The following BMPR1A variants were observed in gnomAD, a reference collection of about 807,000 sequenced individuals.
BMPR1A encodes bone morphogenetic protein receptor type 1A.
Under a neutral mutation model 66.0 loss-of-function variants are expected in BMPR1A, and 7 were observed. The observed-to-expected ratio is 0.11, with a 90% CI of 0.06 to 0.20. BMPR1A has a LOEUF of 0.20. Among genes scored for constraint, BMPR1A ranks in the 10% least tolerant of loss-of-function variants. BMPR1A has a pLI of 1.00. For missense variants in BMPR1A, 408 were observed against 669.1 expected, an observed-to-expected ratio of 0.61 and a Z score of 4.31; for synonymous variants, 200 against 229.7, an observed-to-expected ratio of 0.87 and a Z score of 1.17.
At chr10:86,863,836 T>C (rs2133248662) in intron 2 of BMPR1A, among the ~76,000 whole-genome samples, 1 of 152,208 alleles carries the variant, frequency 6.6e-6, no homozygotes, top group Middle Eastern at 3.4e-3. Context: ...CTTTGTACCC[T>C]GAATTAAAAA....
chr10:86,805,881 T>C (rs1841883211), intron 1 of BMPR1A, among the ~76,000 whole-genome samples: 1 of 151,576 alleles, frequency 6.6e-6, no homozygotes, highest in South Asian at 2.1e-4. Flanking sequence ...GTTTTGTCAG[T>C]TGGCCCAACT....
At chr10:86,768,018 A>G (rs1217191745) in intron 1 of BMPR1A, among the ~76,000 whole-genome samples, 1 of 152,192 alleles carries the variant, frequency 6.6e-6, no homozygotes, top group Non-Finnish European at 1.5e-5. Flanking sequence ...GATGGTACAC[A>G]TGCCCCAAAT....
At chr10:86,901,689 G>A (rs1843312379) in intron 7 of BMPR1A, among the ~76,000 whole-genome samples, 1 of 152,146 alleles carries the variant, frequency 6.6e-6, no homozygotes, top group Non-Finnish European at 1.5e-5. Flanking sequence ...AAGCAAGCAA[G>A]TATGCTCAAT....
intron 1 of BMPR1A, among the ~76,000 whole-genome samples, chr10:86,790,220 T>TAA (rs1393212987): frequency 2.6e-4 from 14 of 54,698 alleles, no homozygotes; most frequent in African/African-American, 8.8e-4. Flanking sequence ...TATATATATA[T>TAA]ATATATATAT....
intron 1 of BMPR1A, among the ~76,000 whole-genome samples, chr10:86,813,917 A>C (rs1362521641): frequency 6.6e-6 from 1 of 152,168 alleles, no homozygotes; most frequent in Non-Finnish European, 1.5e-5. Context: ...TATAATGTTT[A>C]TACTCGAAAG....
At chr10:86,910,350 GAAAAAT>G (rs979810036) in intron 7 of BMPR1A, among the ~76,000 whole-genome samples, 5 of 151,918 alleles carry the variant, frequency 3.3e-5, no homozygotes, top group African/African-American at 1.2e-4. Flanking sequence ...AATAAATAAA[GAAAAAT>G]AAAAATAAAG....
chr10:86,775,102 T>C (rs1273337157), intron 1 of BMPR1A, among the ~76,000 whole-genome samples: 1 of 152,214 alleles, frequency 6.6e-6, no homozygotes, highest in African/African-American at 2.4e-5. Context: ...AAGGTCAGAA[T>C]GTGTACTGTT....
chr10:86,767,879 C>T (rs1841193542), intron 1 of BMPR1A, among the ~76,000 whole-genome samples: 1 of 152,138 alleles, frequency 6.6e-6, no homozygotes, highest in African/African-American at 2.4e-5. Context: ...GGCACCACAC[C>T]TAAACAGACA....
intron 1 of BMPR1A, among the ~76,000 whole-genome samples, chr10:86,791,551 A>G (rs1485928421): frequency 6.6e-6 from 1 of 151,746 alleles, no homozygotes; most frequent in Non-Finnish European, 1.5e-5. Flanking sequence ...AAAAGTAGAA[A>G]TTCACTAAGT....
chr10:86,903,153 A>G (rs1286546038), intron 7 of BMPR1A, among the ~76,000 whole-genome samples: 1 of 152,238 alleles, frequency 6.6e-6, no homozygotes, highest in Admixed American at 6.5e-5. Context: ...AATATCTGCC[A>G]TCCAATAAAT....
chr10:86,919,672 T>A (rs963175080), intron 10 of BMPR1A, among the ~76,000 whole-genome samples: 16 of 150,486 alleles, frequency 1.1e-4, no homozygotes, highest in Non-Finnish European at 1.6e-4. Context: ...ATATATATAT[T>A]TTTTTGGTGT....
intron 7 of BMPR1A, among the ~76,000 whole-genome samples, chr10:86,903,379 A>G (rs896658721): frequency 3.5e-4 from 54 of 152,238 alleles, no homozygotes; most frequent in African/African-American, 9.9e-4. Context: ...AATGAAATCT[A>G]TAATATCTCA....
Position 86,897,297 on chromosome 10 carries a change from C to T in BMPR1A, c.334-2497C>T, listed in dbSNP as rs191607497. 1.0e-3 allele frequency among the ~76,000 whole-genome samples: 153 copies of T among 152,218 alleles called. 1 individual carries two copies. The highest frequency in any genetic ancestry group is 3.5e-3 in the African/African-American group (144 of 41,546). ...ACAAAATTGACTTGGGCAGAGGGTA[C>T]GGGTGGAGAGTGCAGGAAAAGGAAA... On this transcript the variant is annotated intron_variant, in intron 5 of 12. Transcript: ENST00000372037.
intron 1 of BMPR1A, among the ~76,000 whole-genome samples, chr10:86,777,211 C>G (rs989261158): frequency 1.1e-4 from 17 of 152,266 alleles, no homozygotes; most frequent in African/African-American, 4.1e-4. Flanking sequence ...CCCAGTTTCT[C>G]TATTAAGAAC....
intron 3 of BMPR1A, 102 bp from the exon 4 acceptor site, chr10:86,889,960 A>G (rs947807385): frequency 7.3e-5 from 90 of 1,240,050 alleles, no homozygotes; most frequent in Non-Finnish European, 1.0e-4. Flanking sequence ...AGCTACAATT[A>G]TTGTGATAAG....
intron 9 of BMPR1A, 94 bp downstream of exon 9, chr10:86,917,420 C>A: frequency 7.0e-7 from 1 of 1,425,216 alleles, no homozygotes; most frequent in Non-Finnish European, 9.8e-7. Context: ...TGTGTGAGTT[C>A]AACTATATAC....
intron 10 of BMPR1A, among the ~76,000 whole-genome samples, chr10:86,920,884 C>G (rs916180526): frequency 9.3e-6 from 1 of 107,408 alleles, no homozygotes; most frequent in Non-Finnish European, 1.7e-5. Context: ...GAGAGAGATT[C>G]TCACTCTGTT....
intron 1 of BMPR1A, among the ~76,000 whole-genome samples, chr10:86,833,456 CAG>C (rs1300699945): frequency 6.6e-6 from 1 of 152,120 alleles, no homozygotes; most frequent in African/African-American, 2.4e-5. Context: ...ATACGTGTAT[CAG>C]AGCTAGAATG....
intron 5 of BMPR1A, among the ~76,000 whole-genome samples, chr10:86,892,534 G>A (rs1372570403): frequency 6.6e-6 from 1 of 152,160 alleles, no homozygotes; most frequent in Non-Finnish European, 1.5e-5. Context: ...CCTCAAGCCA[G>A]CCTCCTGCCT....
Sources: allele counts gnomAD v4.1 joint callset (sites outside exome capture counted in the v4.1 genomes callset), GRCh38; gene constraint gnomAD v4.1.1; transcripts MANE v1.5; gene names NCBI Gene and HGNC (gene_info 2026-07-23, HGNC 2026-07-21).